PLXNA4: variants seen among roughly 807,000 people sequenced by gnomAD.
PLXNA4 encodes plexin A4.
PLXNA4 carries 44 observed loss-of-function variants against 191.8 expected under a neutral mutation model. The ratio of observed to expected loss-of-function variants is 0.23; its 90% CI spans 0.18 to 0.29. The LOEUF (loss-of-function observed/expected upper bound fraction) is 0.29, where lower values mean the gene tolerates loss of function less well. Among genes scored for constraint, PLXNA4 ranks in the 10% least tolerant of loss-of-function variants. PLXNA4 has a pLI of 1.00. For synonymous variants in PLXNA4, 1,082 were observed against 1,009.5 expected (o/e 1.07, Z -1.36); for missense variants, 1,800 against 2,488.8 (o/e 0.72, Z 5.89).
intron 25 of PLXNA4, among the ~76,000 whole-genome samples, chr7:132,158,526 C>A (rs575091723): frequency 6.6e-6 from 1 of 152,294 alleles, no homozygotes; most frequent in East Asian, 1.9e-4. Flanking sequence ...GTGACAGCAG[C>A]CAATACTTAC....
chr7:132,484,810 G>A, intron 3 of PLXNA4: 1 of 1,613,836 alleles, frequency 6.2e-7, no homozygotes. Context: ...AATTTCCAGA[G>A]TAATTTTAGG....
chr7:132,631,371 G>T (rs1803487121), intron 2 of PLXNA4, among the ~76,000 whole-genome samples: 1 of 152,106 alleles, frequency 6.6e-6, no homozygotes, highest in African/African-American at 2.4e-5. Context: ...TCAAAACTGG[G>T]CCCAGTAGCT....
chr7:132,188,181 G>C (rs1427667381), intron 14 of PLXNA4, among the ~76,000 whole-genome samples: 1 of 152,172 alleles, frequency 6.6e-6, no homozygotes, highest in African/African-American at 2.4e-5. Flanking sequence ...GAGCCCCAGG[G>C]AAACTCAGAG....
chr7:132,180,851 C>T, intron 18 of PLXNA4, 119 bp from the exon 19 acceptor site: 1 of 1,467,884 alleles, frequency 6.8e-7, no homozygotes, highest in Non-Finnish European at 9.1e-7. Context: ...AAGAAGCCAC[C>T]TTTGGTAATA....
At chr7:132,332,729 G>A (rs11768651) in intron 3 of PLXNA4, among the ~76,000 whole-genome samples, 5,522 of 151,756 alleles carry the variant, frequency 0.036, 156 homozygotes, top group Middle Eastern at 0.068. Flanking sequence ...TGTGGTGGGC[G>A]AGGGCCTGTA....
chr7:132,489,243 G>A (rs1797683990), intron 3 of PLXNA4, 49 bp downstream of exon 3: 2 of 1,531,256 alleles, frequency 1.3e-6, no homozygotes, highest in South Asian at 1.2e-5. Context: ...CAGCCCAGGA[G>A]GGACAGACTG....
intron 9 of PLXNA4, among the ~76,000 whole-genome samples, chr7:132,221,456 C>A (rs921929828): frequency 6.6e-6 from 1 of 152,086 alleles, no homozygotes; most frequent in African/African-American, 2.4e-5. Flanking sequence ...GGTTTCAGAC[C>A]AGAACAAGAA....
intron 1 of PLXNA4, among the ~76,000 whole-genome samples, chr7:132,539,629 C>T (rs1250079126): frequency 1.3e-5 from 2 of 152,150 alleles, no homozygotes; most frequent in East Asian, 3.8e-4. Context: ...TAAGGTGGGA[C>T]CAAAACCAGT....
chr7:132,483,045 C>T (rs1433728973), intron 3 of PLXNA4, among the ~76,000 whole-genome samples: 1 of 152,138 alleles, frequency 6.6e-6, no homozygotes, highest in African/African-American at 2.4e-5. Flanking sequence ...GCCAGAACTG[C>T]TGCGAAAAGC....
At chr7:132,323,633 C>T (rs1054770678) in intron 3 of PLXNA4, among the ~76,000 whole-genome samples, 1 of 152,146 alleles carries the variant, frequency 6.6e-6, no homozygotes, top group African/African-American at 2.4e-5. Flanking sequence ...CACGACTCTC[C>T]CAGGCCATGG....
At position 132,647,338 on chromosome 7, in the gene PLXNA4, TATAC is replaced by T. The variant is rs762017778; in HGVS notation, c.-203+1172_-203+1175del. Reference sequence around the variant, plus strand: ...ACCCACATGCTATCATATACACACATATACACTCACACATACACTGACATACACA... The same window carrying T: ...ACCCACATGCTATCATATACACACATACTCACACATACACTGACATACACA... On this transcript the variant is annotated intron_variant, in intron 1 of 4. Coordinates refer to the PLXNA4 transcript ENST00000378539. 2.2e-4 allele frequency among the ~76,000 whole-genome samples: 33 copies of T among 147,436 alleles called. 1 individual carries two copies. Among genetic ancestry groups the T allele is most frequent in the Non-Finnish European group, 2.0e-4 (13 of 66,622 alleles).
chr7:132,532,093 C>T (rs1455284718), intron 1 of PLXNA4, among the ~76,000 whole-genome samples: 1 of 152,224 alleles, frequency 6.6e-6, no homozygotes, highest in Non-Finnish European at 1.5e-5. Flanking sequence ...TTCCAGGTGT[C>T]AACTTGGCAC....
chr7:132,476,905 A>G (rs2117452597), intron 3 of PLXNA4, among the ~76,000 whole-genome samples: 1 of 152,352 alleles, frequency 6.6e-6, no homozygotes, highest in East Asian at 1.9e-4. Context: ...GAGCCTGACT[A>G]ATGAAAGAAA....
chr7:132,512,354 C>T (rs191803977), intron 1 of PLXNA4, among the ~76,000 whole-genome samples: 26 of 152,252 alleles, frequency 1.7e-4, no homozygotes, highest in African/African-American at 4.6e-4. Flanking sequence ...CCTATAATTA[C>T]GAATTTACTG....
intron 3 of PLXNA4, among the ~76,000 whole-genome samples, chr7:132,305,157 G>A (rs1459160895): frequency 6.6e-6 from 1 of 152,196 alleles, no homozygotes; most frequent in Non-Finnish European, 1.5e-5. Context: ...GTGGTGATAA[G>A]TGGGACACCT....
intron 3 of PLXNA4, among the ~76,000 whole-genome samples, chr7:132,372,282 A>C (rs921981103): frequency 6.6e-6 from 1 of 152,252 alleles, no homozygotes; most frequent in African/African-American, 2.4e-5. Context: ...GTCAGAGATG[A>C]TAACCTTGAG....
At chr7:132,355,946 C>G (rs1036051047) in intron 3 of PLXNA4, among the ~76,000 whole-genome samples, 2 of 152,032 alleles carry the variant, frequency 1.3e-5, no homozygotes, top group Non-Finnish European at 2.9e-5. Context: ...GAAATGACCC[C>G]AACATATCAG....
Position 132,508,529 on chromosome 7 carries a change from C to A in PLXNA4, c.165G>T (p.Val55=). 2 of 1,614,202 alleles carry A rather than the reference C, an allele frequency of 1.2e-6. No homozygotes were observed. The highest frequency in any genetic ancestry group is 1.7e-6 in the Non-Finnish European group (2 of 1,180,032). Residue 55 remains valine, a synonymous_variant, in exon 2 of 32, where the codon GTG becomes GTT. Transcript: ENST00000321063. This position sits in a 1 kb window ranked among gnomAD's most constrained non-coding sequence, Gnocchi z 4.4. The stretch of plus-strand genomic sequence containing the variant: ...AAATGTGTCCTGTCCTCTCATCCAC[C>A]ACCAGGTGATTGAAACCCTCGGCGG... The part of the protein sequence containing the change: ...GEPAEGFNHL[V]VDERTGHIYL...
chr7:132,465,061 G>C (rs1169833102), intron 3 of PLXNA4, among the ~76,000 whole-genome samples: 1 of 152,216 alleles, frequency 6.6e-6, no homozygotes, highest in Non-Finnish European at 1.5e-5. Context: ...TGAATGATGA[G>C]GCACTGGAAG....
Sources: allele counts gnomAD v4.1 joint callset (sites outside exome capture counted in the v4.1 genomes callset), GRCh38; gene constraint gnomAD v4.1.1; non-coding constraint Gnocchi (gnomAD v3.1); transcripts MANE v1.5; gene names NCBI Gene and HGNC (gene_info 2026-07-23, HGNC 2026-07-21).